Variants in AP2A2 observed in about 807,000 individuals in gnomAD.
AP2A2 encodes the protein adaptor related protein complex 2 subunit alpha 2, also known as AP-2 complex subunit alpha-2.
Under a neutral mutation model 104.2 loss-of-function variants are expected in AP2A2, and 32 were observed. That is an observed-to-expected ratio of 0.31 (90% CI 0.23 to 0.41). The LOEUF is 0.41. Among genes scored for constraint, AP2A2 ranks in the 10% least tolerant of loss-of-function variants. AP2A2 has a pLI of 1.00. For synonymous variants in AP2A2, 539 were observed against 533.3 expected, an observed-to-expected ratio of 1.01 and a Z score of -0.15; for missense variants, 912 against 1,261.0, an observed-to-expected ratio of 0.72 and a Z score of 4.19.
Position 969,572 on chromosome 11 carries a change from A to G in AP2A2, c.137-597A>G, listed in dbSNP as rs995111979. ...GGTTGGTTTTATATTTTGGAATTTT[A>G]TATTCTGCCAATTACATGTTTTGAA... On this transcript the variant is annotated intron_variant, in intron 2 of 21. Transcript: ENST00000448903. Among the ~76,000 whole-genome samples the G allele has an allele frequency of 7.2e-5, 11 of 152,050 alleles. No individual in the cohort carries two copies. The South Asian group carries it at 1.2e-3, about 17-fold the overall frequency.
In AP2A2 at chr11:994,220, C is replaced by T. The variant is rs780084861; in HGVS notation, c.1931C>T (p.Pro644Leu). ...GTGGACGTGAACGGGGGTCCTGAGC[C>T]TGCCCCAGCCAGTACCAGCGCCGTG... ...RSVDVNGGPEPAPASTSAVST... is the reference protein window; with the variant it reads ...RSVDVNGGPELAPASTSAVST... Residue 644 changes from proline to leucine, a missense_variant, in exon 14 of 22, where the codon CCT becomes CTT. Physicochemically the swap from Pro to Leu is moderately conservative, Grantham distance 98. This residue lies in a region of AP2A2 where 105 missense variants were observed against 90.9 expected (regional missense o/e 1.16). Transcript: ENST00000448903. 1 of 1,612,832 alleles carries T rather than the reference C, an allele frequency of 6.2e-7. No individual in the cohort carries two copies.
chr11:1,007,179 C>G (rs1856238829), intron 17 of AP2A2: 1 of 154,858 alleles, frequency 6.5e-6, no homozygotes, highest in Non-Finnish European at 1.5e-5. Flanking sequence ...AAGACCCCAG[C>G]TTGACCAGAG....
At chr11:1,001,028 C>T (rs887096659) in intron 15 of AP2A2, among the ~76,000 whole-genome samples, 5 of 152,208 alleles carry the variant, frequency 3.3e-5, no homozygotes, top group Admixed American at 3.3e-4. Context: ...CCTGGAGGCC[C>T]GGTCTCTTGT....
At chr11:965,553 A>G (rs1442669896) in intron 2 of AP2A2, among the ~76,000 whole-genome samples, 1 of 152,210 alleles carries the variant, frequency 6.6e-6, no homozygotes. Flanking sequence ...TTTGGCTTTA[A>G]GGGAGTCTCC....
At chr11:982,975 A>T (rs1235655540) in intron 6 of AP2A2, among the ~76,000 whole-genome samples, 1 of 147,896 alleles carries the variant, frequency 6.8e-6, no homozygotes, top group African/African-American at 2.5e-5. Context: ...TTATGAATTC[A>T]ATTTATTTTA....
rs1856404180 is a variant in AP2A2 at position 1,010,877 on chromosome 11, G to A, written c.*252G>A. The A allele has an allele frequency of 1.3e-5, 8 of 635,640 alleles. No individual in the cohort carries two copies. The highest frequency in any genetic ancestry group is 2.7e-5 in the East Asian group (1 of 37,242). The allele number at this position is 635,640 out of a possible 1,614,324, so 39.4% of individuals were successfully genotyped here. ...CTTGGGATCAATTTTTATAAAAATC[G>A]AGACAGTTCTGTGGTTAAATCTACA... On this transcript the variant is annotated 3_prime_UTR_variant, in exon 22 of 22. Transcript: ENST00000448903.
At chr11:997,339 C>G (rs1443463707) in intron 14 of AP2A2, among the ~76,000 whole-genome samples, 1 of 152,158 alleles carries the variant, frequency 6.6e-6, no homozygotes, top group Non-Finnish European at 1.5e-5. Context: ...CATGCAGGAG[C>G]CTGGGGCCCT....
At chr11:1,010,493 C>T (rs1856389732) in intron 21 of AP2A2, 55 bp from the exon 22 acceptor site, 11 of 1,448,372 alleles carry the variant, frequency 7.6e-6, no homozygotes, top group Middle Eastern at 2.0e-4. Context: ...ATCCTGGACC[C>T]GAGGGCTGTG....
At chr11:1,005,127 G>A (rs1359863711) in intron 16 of AP2A2, among the ~76,000 whole-genome samples, 1 of 152,228 alleles carries the variant, frequency 6.6e-6, no homozygotes, top group Non-Finnish European at 1.5e-5. Flanking sequence ...AATGTGGTCT[G>A]TCGACGCAGT....
At chr11:975,483 C>T (rs572288929) in intron 4 of AP2A2, among the ~76,000 whole-genome samples, 2 of 145,372 alleles carry the variant, frequency 1.4e-5, no homozygotes, top group East Asian at 4.2e-4. Flanking sequence ...GAGCCGACAT[C>T]GGAGAGTAGT....
chr11:953,091 G>C (rs1854105545), intron 1 of AP2A2, among the ~76,000 whole-genome samples: 1 of 152,232 alleles, frequency 6.6e-6, no homozygotes, highest in Admixed American at 6.5e-5. Context: ...GGACATGGTA[G>C]TTGACTTGAA....
chr11:940,732 C>T, intron 1 of AP2A2: 2 of 446,072 alleles, frequency 4.5e-6, no homozygotes, highest in Admixed American at 4.8e-5. Flanking sequence ...GTTCTGAGCT[C>T]TCACTTTGTG....
chr11:979,079 C>T (rs947227900), intron 5 of AP2A2, among the ~76,000 whole-genome samples: 23 of 151,834 alleles, frequency 1.5e-4, no homozygotes, highest in Non-Finnish European at 2.9e-4. Flanking sequence ...ACACGGAGGT[C>T]GCTTTGGCAC....
chr11:992,287 G>A lies in AP2A2; in HGVS notation c.1270-216G>A, dbSNP rs572651038. Among the ~76,000 whole-genome samples the A allele has an allele frequency of 1.3e-5, 2 of 152,318 alleles. No individual in the cohort carries two copies. Among genetic ancestry groups the A allele is most frequent in the African/African-American group, 2.4e-5 (1 of 41,574 alleles). On this transcript the variant is annotated intron_variant, in intron 10 of 21. Transcript: ENST00000448903. This position sits in a 1 kb window ranked among gnomAD's most constrained non-coding sequence, Gnocchi z 6.4. The stretch of plus-strand genomic sequence containing the variant: ...CGTGGCCTTCTGTGCACTGGTCTCC[G>A]CCTCTTCCTGGCTTTCTTTGCTTAA...
chr11:993,696 C>A lies in AP2A2; in HGVS notation c.1551-58C>A, dbSNP rs558558469. ...CGCCGCCGTCCCCCCCCCGCGGGGGCGTGCTGCAGCCTGCGAGGGGACGAC... is the reference window on the plus strand; with the variant it reads ...CGCCGCCGTCCCCCCCCCGCGGGGGAGTGCTGCAGCCTGCGAGGGGACGAC... On this transcript the variant is annotated intron_variant, in intron 12 of 21. Coordinates refer to ENST00000448903, the MANE Select transcript of AP2A2 (RefSeq NM_012305.4). The surrounding 1 kb of genome is among the most constrained non-coding windows in gnomAD (Gnocchi z 8.2). 8.1e-6 allele frequency: 11 copies of A among 1,359,490 alleles called. No homozygotes were observed. Among genetic ancestry groups the A allele is most frequent in the Non-Finnish European group, 1.0e-5 (10 of 992,954 alleles). 84.2% of individuals were successfully genotyped at this position (1,359,490 alleles called of 1,614,324 possible). A position where few individuals can be genotyped will look rare whatever the true frequency, so the allele number is the denominator to read the frequency against.
intron 1 of AP2A2, among the ~76,000 whole-genome samples, chr11:937,931 T>C (rs979088358): frequency 2.6e-5 from 4 of 152,212 alleles, no homozygotes; most frequent in African/African-American, 9.6e-5. Flanking sequence ...GAGCTTGAAC[T>C]GTGTCGGTTT....
intron 1 of AP2A2, among the ~76,000 whole-genome samples, chr11:954,502 G>A (rs1356887215): frequency 2.6e-5 from 4 of 152,098 alleles, no homozygotes; most frequent in Admixed American, 2.6e-4. Flanking sequence ...TGTTGTATTT[G>A]TGTTTGTGTA....
At chr11:954,741 T>TTG (rs750348503) in intron 1 of AP2A2, among the ~76,000 whole-genome samples, 19 of 146,874 alleles carry the variant, frequency 1.3e-4, no homozygotes, top group South Asian at 4.2e-4. Flanking sequence ...GTGTGTGTAT[T>TTG]TGTGTGTGTG....
At chr11:980,040 G>A (rs1440447049) in intron 5 of AP2A2, among the ~76,000 whole-genome samples, 6 of 151,480 alleles carry the variant, frequency 4.0e-5, no homozygotes, top group Admixed American at 2.6e-4. Flanking sequence ...CAGGCTGCCC[G>A]GTGCCGTGTC....
Sources: allele counts gnomAD v4.1 joint callset (sites outside exome capture counted in the v4.1 genomes callset), GRCh38; gene constraint gnomAD v4.1.1; regional missense constraint gnomAD v4.1.1; non-coding constraint Gnocchi (gnomAD v3.1); transcripts MANE v1.5; gene names NCBI Gene and HGNC (gene_info 2026-07-23, HGNC 2026-07-21).